Variants in OCA2 observed in about 807,000 individuals in gnomAD.
The protein encoded by OCA2 is OCA2 melanosomal transmembrane protein, also known as P protein.
A neutral mutation model predicts 100.2 loss-of-function variants in OCA2; 77 were observed. The ratio of observed to expected loss-of-function variants is 0.77; its 90% CI spans 0.64 to 0.93. OCA2 has a LOEUF of 0.93. Ranked by LOEUF, OCA2 falls within the 40% of genes least tolerant of loss-of-function variation. The pLI is 0.00. For synonymous variants in OCA2, 432 were observed against 439.2 expected (o/e 0.98, Z 0.21); for missense variants, 1,062 against 1,089.1 (o/e 0.98, Z 0.35).
chr15:27,791,614 G>C (rs1411297950), intron 23 of OCA2, among the ~76,000 whole-genome samples: 2 of 152,118 alleles, frequency 1.3e-5, no homozygotes, highest in East Asian at 3.9e-4. Flanking sequence ...CATTCACAGG[G>C]CTCTACAGCA....
At position 28,027,942 on chromosome 15, in the gene OCA2, A is replaced by G; in HGVS notation, c.444T>C (p.Ser148=). 1 of 1,614,220 alleles carries G rather than the reference A, an allele frequency of 6.2e-7. No individual in the cohort carries two copies. Among genetic ancestry groups the G allele is most frequent in the Non-Finnish European group, 8.5e-7 (1 of 1,180,046 alleles). ...CTCCCTTCTCGGAGGAGGCAGATGC[A>G]GACAGACCAGACACCTCCCTGCTTA... is the stretch of plus-strand genomic sequence containing the variant. ...YLLSREVSGL[S]ASASSEKGDL... is the part of the protein sequence containing the mutation. Residue 148 remains serine (S), a synonymous_variant, in exon 4 of 24, where the codon TCT becomes TCC. Coordinates refer to ENST00000354638, the MANE Select transcript of OCA2 (RefSeq NM_000275.3).
intron 18 of OCA2, among the ~76,000 whole-genome samples, chr15:27,949,120 G>C (rs1381392693): frequency 6.6e-6 from 1 of 152,170 alleles, no homozygotes; most frequent in South Asian, 2.1e-4. Context: ...TCAATGCTAT[G>C]TCTAGGTTAG....
the OCA2 span, among the ~76,000 whole-genome samples, chr15:27,730,294 G>A: frequency 6.6e-6 from 1 of 152,176 alleles, no homozygotes; most frequent in Admixed American, 6.5e-5. Context: ...AGGTCCTGGG[G>A]GAAGGAGGGG....
intron 19 of OCA2, among the ~76,000 whole-genome samples, chr15:27,877,625 A>G (rs1182969792): frequency 6.6e-6 from 1 of 151,930 alleles, no homozygotes; most frequent in Non-Finnish European, 1.5e-5. Context: ...TTGGCCTTTT[A>G]TGCTTATTAC....
chr15:28,016,516 C>T (rs996401552), intron 7 of OCA2, among the ~76,000 whole-genome samples: 7 of 152,232 alleles, frequency 4.6e-5, no homozygotes, highest in African/African-American at 9.6e-5. Flanking sequence ...CGCTGGCTCA[C>T]GCCTGTAATC....
At chr15:27,876,670 T>C (rs2036805111) in intron 19 of OCA2, among the ~76,000 whole-genome samples, 2 of 152,000 alleles carry the variant, frequency 1.3e-5, no homozygotes, top group South Asian at 2.1e-4. Flanking sequence ...TTTTGGTAAG[T>C]TGTATTTTTT....
Position 27,784,668 on chromosome 15 carries a change from G to A in OCA2, c.2433-29196C>T, listed in dbSNP as rs533476310. ...GGAAGAACAAAACATCAAATGAAAT[G>A]CTAGAAATGAAAACCATATTAACAA... On this transcript the variant is annotated intron_variant, in intron 23 of 23. Coordinates refer to ENST00000354638, the MANE Select transcript of OCA2 (RefSeq NM_000275.3). Among the ~76,000 whole-genome samples the A allele has an allele frequency of 2.0e-5, 3 of 152,232 alleles. No homozygotes were observed. In the East Asian group the frequency reaches 5.8e-4, roughly 29 times the overall value.
intron 23 of OCA2, among the ~76,000 whole-genome samples, chr15:27,771,302 C>T (rs987169646): frequency 3.9e-5 from 6 of 151,962 alleles, no homozygotes; most frequent in Non-Finnish European, 8.8e-5. Flanking sequence ...GCTACTGCCA[C>T]TCCACGGCCC....
At chr15:28,072,537 C>T (rs975257614) in intron 2 of OCA2, among the ~76,000 whole-genome samples, 1 of 142,850 alleles carries the variant, frequency 7.0e-6, no homozygotes, top group Non-Finnish European at 1.5e-5. Flanking sequence ...TTGCAGTGAG[C>T]TGAGATCGCA....
intron 23 of OCA2, among the ~76,000 whole-genome samples, chr15:27,816,875 A>G (rs1421817980): frequency 6.6e-6 from 1 of 151,902 alleles, no homozygotes; most frequent in African/African-American, 2.4e-5. Flanking sequence ...ATGGCACCCC[A>G]CCACCCCTCA....
intron 23 of OCA2, among the ~76,000 whole-genome samples, chr15:27,832,875 C>T (rs1012726260): frequency 4.2e-5 from 6 of 143,894 alleles, no homozygotes; most frequent in African/African-American, 1.6e-4. Context: ...TGCAGCAGCA[C>T]GATCTCGGGT....
intron 23 of OCA2, among the ~76,000 whole-genome samples, chr15:27,762,554 C>A (rs1199780627): frequency 6.6e-6 from 1 of 152,196 alleles, no homozygotes; most frequent in Non-Finnish European, 1.5e-5. Flanking sequence ...GGCTTATCTG[C>A]CATTTTCTAA....
intron 19 of OCA2, among the ~76,000 whole-genome samples, chr15:27,912,757 A>G (rs993715221): frequency 6.6e-5 from 10 of 152,252 alleles, no homozygotes; most frequent in African/African-American, 1.4e-4. Context: ...AAAATGTTTG[A>G]GGAAAAACAC....
chr15:27,805,073 G>A (rs369411412), intron 23 of OCA2, among the ~76,000 whole-genome samples: 19 of 152,216 alleles, frequency 1.2e-4, no homozygotes, highest in African/African-American at 3.9e-4. Context: ...GGGAGGCCCT[G>A]CCCTGGAGCG....
chr15:27,969,078 ATTG>A (rs1021472567), intron 14 of OCA2, among the ~76,000 whole-genome samples: 4 of 152,156 alleles, frequency 2.6e-5, no homozygotes, highest in African/African-American at 7.2e-5. Context: ...ATGAAATGCA[ATTG>A]TTAATATTTT....
intron 23 of OCA2, among the ~76,000 whole-genome samples, chr15:27,765,916 C>T (rs1297514889): frequency 6.6e-6 from 1 of 152,160 alleles, no homozygotes; most frequent in Non-Finnish European, 1.5e-5. Context: ...GTCTTTGTGA[C>T]CTGTATCTTG....
the OCA2 span, among the ~76,000 whole-genome samples, chr15:27,728,585 A>T: frequency 6.6e-6 from 1 of 152,136 alleles, no homozygotes; most frequent in Non-Finnish European, 1.5e-5. Flanking sequence ...CATCATGGGG[A>T]TTCACTCATT....
intron 23 of OCA2, among the ~76,000 whole-genome samples, chr15:27,837,927 T>C (rs2035216241): frequency 6.7e-6 from 1 of 149,512 alleles, no homozygotes; most frequent in African/African-American, 2.5e-5. Context: ...GAGACTGCTC[T>C]CCACCACACT....
intron 9 of OCA2, among the ~76,000 whole-genome samples, chr15:27,995,479 A>C (rs1333827501): frequency 1.3e-5 from 2 of 150,832 alleles, no homozygotes; most frequent in East Asian, 4.0e-4. Context: ...TTTAGTCTTG[A>C]ACTCCTGGAC....
Sources: gnomAD v4.1 joint callset for allele counts (sites outside exome capture counted in the v4.1 genomes callset) on GRCh38, gnomAD v4.1.1 for gene constraint, MANE v1.5 for transcripts, NCBI Gene and HGNC (gene_info 2026-07-23, HGNC 2026-07-21) for gene names.